Variants in MARCHF11 observed in about 807,000 individuals in gnomAD.
MARCHF11 encodes E3 ubiquitin-protein ligase MARCHF11.
MARCHF11 carries 29 observed loss-of-function variants against 37.3 expected under a neutral mutation model. That is an observed-to-expected ratio of 0.78 (90% CI 0.58 to 1.06). The LOEUF is 1.06. Among genes scored for constraint, MARCHF11 ranks in the 50% least tolerant of loss-of-function variants. The pLI is 0.00. For missense variants in MARCHF11, 482 were observed against 533.4 expected (o/e 0.90, Z 0.95); for synonymous variants, 233 against 228.0 (o/e 1.02, Z -0.20).
In MARCHF11 at chr5:16,067,330, G is replaced by T; in HGVS notation, c.*141C>A. 1.4e-6 allele frequency: 1 copy of T among 712,840 alleles called. No individual in the cohort carries two copies. The highest frequency in any genetic ancestry group is 2.3e-6 in the Non-Finnish European group (1 of 441,830). 44.2% of individuals were successfully genotyped at this position (712,840 alleles called of 1,614,324 possible). A position where few individuals can be genotyped will look rare whatever the true frequency, so the allele number is the denominator to read the frequency against. Reference sequence around the variant, plus strand: ...CTCTTTTTCTCAGAAAAATGTATTTGCAATTCAAATGTTCATATAAAAAGC... The same window carrying T: ...CTCTTTTTCTCAGAAAAATGTATTTTCAATTCAAATGTTCATATAAAAAGC... On this transcript the variant is annotated 3_prime_UTR_variant, in exon 4 of 4. Coordinates refer to ENST00000332432, the MANE Select transcript of MARCHF11 (RefSeq NM_001102562.3).
At position 16,081,445 on chromosome 5, in the gene MARCHF11, T is replaced by A. The variant is rs560456281; in HGVS notation, c.886+9444A>T. On this transcript the variant is annotated intron_variant, in intron 3 of 3. Transcript: ENST00000332432. The stretch of plus-strand genomic sequence containing the variant: ...ACAATTTCCACATGTCATGAAATAA[T>A]ATTTTTAAAAATGTATTCAACCATT... Among the ~76,000 whole-genome samples, 49 of 152,332 alleles carry A rather than the reference T, an allele frequency of 3.2e-4. No individual in the cohort carries two copies. The South Asian group carries it at 9.5e-3, about 30-fold the overall frequency.
chr5:16,136,883 A>G (rs1487402066), intron 2 of MARCHF11, among the ~76,000 whole-genome samples: 1 of 152,200 alleles, frequency 6.6e-6, no homozygotes, highest in African/African-American at 2.4e-5. Flanking sequence ...AAAGTGATAT[A>G]AGTAGCAGCT....
At position 16,179,486 on chromosome 5, in the gene MARCHF11, C is replaced by T; in HGVS notation, c.90G>A (p.Pro30=). The change falls in exon 1 of 4, where the codon CCG becomes CCA. Residue 30 remains proline (P), a synonymous_variant. Transcript: ENST00000332432. The part of the protein sequence containing the change: ...AEPPPQPPPP[P]PPTPPPGEPA... Reference sequence around the variant, plus strand: ...GCTCTCCCGGCGGCGGCGTCGGCGGCGGCGGCGGGGGAGGTTGCGGGGGAG... The same window carrying T: ...GCTCTCCCGGCGGCGGCGTCGGCGGTGGCGGCGGGGGAGGTTGCGGGGGAG... The T allele has an allele frequency of 1.7e-6, 2 of 1,148,256 alleles. No individual in the cohort carries two copies. The highest frequency in any genetic ancestry group is 4.2e-5 in the South Asian group (1 of 23,620). The allele number at this position is 1,148,256 out of a possible 1,614,324, so 71.1% of individuals were successfully genotyped here.
At chr5:16,126,901 A>G (rs1737418596) in intron 2 of MARCHF11, among the ~76,000 whole-genome samples, 1 of 152,176 alleles carries the variant, frequency 6.6e-6, no homozygotes, top group African/African-American at 2.4e-5. Context: ...CAAATTAACA[A>G]CTTGATTCAG....
At chr5:16,154,531 T>A (rs143961275) in intron 2 of MARCHF11, among the ~76,000 whole-genome samples, 130 of 152,060 alleles carry the variant, frequency 8.5e-4, no homozygotes, top group Admixed American at 1.4e-3. Flanking sequence ...GATCTGTTCA[T>A]GTCTATCTCC....
At chr5:16,110,306 A>T (rs1332963516) in intron 2 of MARCHF11, among the ~76,000 whole-genome samples, 1 of 152,206 alleles carries the variant, frequency 6.6e-6, no homozygotes, top group Non-Finnish European at 1.5e-5. Flanking sequence ...GGGTTAGGGC[A>T]GTGAGACATC....
At chr5:16,165,635 G>C (rs1277386996) in intron 2 of MARCHF11, among the ~76,000 whole-genome samples, 1 of 152,038 alleles carries the variant, frequency 6.6e-6, no homozygotes, top group Admixed American at 6.6e-5. Flanking sequence ...CTCACGGTTA[G>C]ACTATAGTTA....
chr5:16,104,702 T>G (rs1170765100), intron 2 of MARCHF11, among the ~76,000 whole-genome samples: 1 of 152,002 alleles, frequency 6.6e-6, no homozygotes, highest in Admixed American at 6.6e-5. Flanking sequence ...AAGTTCAGGT[T>G]TTTTTGTTTG....
intron 3 of MARCHF11, among the ~76,000 whole-genome samples, chr5:16,085,218 A>G (rs1399768545): frequency 6.6e-6 from 1 of 151,930 alleles, no homozygotes; most frequent in African/African-American, 2.4e-5. Context: ...TTTTTTTTAA[A>G]GTGATCCAAA....
chr5:16,069,581 G>T (rs149390571), intron 3 of MARCHF11, among the ~76,000 whole-genome samples: 153 of 152,180 alleles, frequency 1.0e-3, no homozygotes, highest in African/African-American at 3.4e-3. Context: ...ATAGTAAGGA[G>T]GTCACCGCAT....
intron 2 of MARCHF11, among the ~76,000 whole-genome samples, chr5:16,111,002 C>T (rs765772203): frequency 2.6e-5 from 4 of 152,226 alleles, no homozygotes; most frequent in Non-Finnish European, 4.4e-5. Context: ...ACTTGGTTCT[C>T]ATTCTGTCTC....
intron 2 of MARCHF11, among the ~76,000 whole-genome samples, chr5:16,162,504 T>A (rs2126605168): frequency 6.6e-6 from 1 of 152,170 alleles, no homozygotes; most frequent in Non-Finnish European, 1.5e-5. Context: ...AGATCATGGA[T>A]TGGTAGCCTT....
chr5:16,133,226 T>C (rs113493229), intron 2 of MARCHF11, among the ~76,000 whole-genome samples: 1,758 of 152,276 alleles, frequency 0.012, 25 homozygotes, highest in African/African-American at 0.02. Context: ...AATTTGGTGT[T>C]CATCTCTGAT....
At chr5:16,079,702 C>T (rs935117486) in intron 3 of MARCHF11, among the ~76,000 whole-genome samples, 2 of 152,180 alleles carry the variant, frequency 1.3e-5, no homozygotes, top group East Asian at 3.9e-4. Context: ...TCATTGCTCT[C>T]CTCCGAGTCT....
chr5:16,156,060 C>T (rs1737973773), intron 2 of MARCHF11, among the ~76,000 whole-genome samples: 1 of 151,938 alleles, frequency 6.6e-6, no homozygotes, highest in African/African-American at 2.4e-5. Flanking sequence ...TCTTCCACTG[C>T]AGTTTGCTAT....
chr5:16,075,843 G>A (rs1484239367), intron 3 of MARCHF11, among the ~76,000 whole-genome samples: 1 of 152,164 alleles, frequency 6.6e-6, no homozygotes, highest in Non-Finnish European at 1.5e-5. Context: ...GGTGGTGAGG[G>A]GAACATATGG....
chr5:16,133,840 T>C (rs1273159974), intron 2 of MARCHF11, among the ~76,000 whole-genome samples: 1 of 152,112 alleles, frequency 6.6e-6, no homozygotes, highest in Non-Finnish European at 1.5e-5. Flanking sequence ...AGAAAGTTTA[T>C]ATATTTGTTT....
At chr5:16,106,595 G>T (rs985267225) in intron 2 of MARCHF11, among the ~76,000 whole-genome samples, 1 of 152,170 alleles carries the variant, frequency 6.6e-6, no homozygotes, top group Non-Finnish European at 1.5e-5. Flanking sequence ...AACCACTTTA[G>T]CTTCTAATTC....
At chr5:16,118,619 A>T (rs900804264) in intron 2 of MARCHF11, among the ~76,000 whole-genome samples, 1 of 152,226 alleles carries the variant, frequency 6.6e-6, no homozygotes, top group African/African-American at 2.4e-5. Flanking sequence ...AATAATTGCC[A>T]CATTTGATAG....
Sources: gnomAD v4.1 joint callset for allele counts (sites outside exome capture counted in the v4.1 genomes callset) on GRCh38, gnomAD v4.1.1 for gene constraint, MANE v1.5 for transcripts, NCBI Gene and HGNC (gene_info 2026-07-23, HGNC 2026-07-21) for gene names.